The following AHRR variants were observed in gnomAD, a reference collection of about 807,000 sequenced individuals.
AHRR encodes the protein ahR repressor.
Under a neutral mutation model 44.0 loss-of-function variants are expected in AHRR, and 28 were observed. That is an observed-to-expected ratio of 0.64 (90% confidence interval 0.47 to 0.87). The LOEUF (loss-of-function observed/expected upper bound fraction) is 0.87. AHRR is among the 40% of genes least tolerant of loss of function. The probability of loss-of-function intolerance (pLI) is 0.00; values close to 1 mark genes in which losing one functional copy is unlikely to be tolerated. For missense variants in AHRR, 990 were observed against 953.9 expected (o/e 1.04, Z -0.50); for synonymous variants, 434 against 407.0 (o/e 1.07, Z -0.80).
At chr5:428,636 TAC>T (rs1349666716) in intron 8 of AHRR, among the ~76,000 whole-genome samples, 1 of 152,234 alleles carries the variant, frequency 6.6e-6, no homozygotes, top group African/African-American at 2.4e-5. Context: ...TCAAGCACAT[TAC>T]GTTTACTCAC....
At chr5:330,548 AT>A (rs1329871264) in intron 1 of AHRR, among the ~76,000 whole-genome samples, 1 of 152,064 alleles carries the variant, frequency 6.6e-6, no homozygotes, top group Non-Finnish European at 1.5e-5. Context: ...TAATTTTTGC[AT>A]TTTTAGTAGA....
chr5:415,818 C>G (rs1435569379), intron 5 of AHRR, among the ~76,000 whole-genome samples: 3 of 152,186 alleles, frequency 2.0e-5, no homozygotes, highest in Non-Finnish European at 4.4e-5. Context: ...CACGTCTGCG[C>G]AGGCCCTGAG....
chr5:402,298 ATG>A (rs1283563541), intron 4 of AHRR, among the ~76,000 whole-genome samples: 8 of 151,222 alleles, frequency 5.3e-5, no homozygotes, highest in Admixed American at 6.6e-5. Context: ...GCAGTCGTTG[ATG>A]AGGGTGTGGA....
chr5:345,564 ATGTGTGGGTG>A (rs1270153087), intron 2 of AHRR, among the ~76,000 whole-genome samples: 23 of 77,734 alleles, frequency 3.0e-4, no homozygotes, highest in South Asian at 2.4e-3. Context: ...GTGTGTGGGG[ATGTGTGGGTG>A]TGTGTGGGTG....
intron 5 of AHRR, among the ~76,000 whole-genome samples, chr5:422,212 A>T (rs1736159078): frequency 1.3e-5 from 2 of 152,162 alleles, no homozygotes; most frequent in African/African-American, 4.8e-5. Context: ...TGTGAGGGTC[A>T]GCCTCTGTGT....
intron 8 of AHRR, among the ~76,000 whole-genome samples, chr5:428,280 G>A (rs1736563162): frequency 6.6e-6 from 1 of 152,258 alleles, no homozygotes; most frequent in South Asian, 2.1e-4. Flanking sequence ...TAAGTGTCCT[G>A]ACCCCGTGTC....
chr5:399,910 G>A (rs1298061218), intron 4 of AHRR, among the ~76,000 whole-genome samples: 1 of 152,220 alleles, frequency 6.6e-6, no homozygotes, highest in East Asian at 1.9e-4. Context: ...TGCGTTTACT[G>A]TTTGTGGGAT....
chr5:394,657 C>T (rs115363205), intron 4 of AHRR, among the ~76,000 whole-genome samples: 11,535 of 145,582 alleles, frequency 0.079, 875 homozygotes, highest in Admixed American at 0.11. Context: ...TGCTGGAACC[C>T]TGCTTGTCTT....
In AHRR at chr5:437,870, T is replaced by C. The variant is rs1192285874; in HGVS notation, c.*3036T>C. On this transcript the variant is annotated 3_prime_UTR_variant, in exon 11 of 11. Coordinates refer to ENST00000684583, the MANE Select transcript of AHRR (RefSeq NM_001377236.1). ...CCAAGTCAGCACTTTGGTTATTTTA[T>C]AGCCACAACCCTCTTGGAAAACAGT... The C allele has an allele frequency of 6.6e-6, 1 of 152,320 alleles. No individual in the cohort carries two copies. Among genetic ancestry groups the C allele is most frequent in the East Asian group, 1.9e-4 (1 of 5,336 alleles). 9.4% of individuals were successfully genotyped at this position (152,320 alleles called of 1,614,324 possible). A position where few individuals can be genotyped will look rare whatever the true frequency, so the allele number is the denominator to read the frequency against.
chr5:327,417 C>T (rs1044290447), intron 1 of AHRR, among the ~76,000 whole-genome samples: 2 of 152,198 alleles, frequency 1.3e-5, no homozygotes, highest in Admixed American at 1.3e-4. Context: ...ATCCATCATT[C>T]CACTCACTAC....
intron 4 of AHRR, among the ~76,000 whole-genome samples, chr5:397,612 T>C (rs1214249585): frequency 3.0e-5 from 2 of 66,566 alleles, no homozygotes; most frequent in Non-Finnish European, 5.7e-5. Context: ...ACGTAGCTCC[T>C]GACCATCCAT....
chr5:399,720 C>T (rs934263597), intron 4 of AHRR, among the ~76,000 whole-genome samples: 10 of 152,182 alleles, frequency 6.6e-5, no homozygotes, highest in Non-Finnish European at 1.3e-4. Flanking sequence ...CCCAGGACAC[C>T]GGGTTAACCG....
intron 1 of AHRR, chr5:322,478 A>T (rs1353798333): frequency 1.3e-5 from 2 of 151,860 alleles, no homozygotes; most frequent in Non-Finnish European, 2.9e-5. Context: ...GGCCTCCGGG[A>T]TGGCAAGGGC....
At chr5:421,382 G>A (rs1736110160) in intron 5 of AHRR, 2 of 606,640 alleles carry the variant, frequency 3.3e-6, no homozygotes, top group Admixed American at 2.7e-5. Flanking sequence ...CACAGTACCA[G>A]CCCCCACACG....
In AHRR at chr5:380,325, A is replaced by G. The variant is rs1733929828; in HGVS notation, c.351+3609A>G. 2.0e-5 allele frequency among the ~76,000 whole-genome samples: 3 copies of G among 152,070 alleles called. No homozygotes were observed. In the South Asian group the frequency reaches 6.2e-4, roughly 32 times the overall value. On this transcript the variant is annotated intron_variant, in intron 4 of 10. Coordinates refer to ENST00000684583, the MANE Select transcript of AHRR (RefSeq NM_001377236.1). ...TGGCTATTCTAGTTCTTTTTTTTCC[A>G]TATAAATTTTAGAATTAGCTTATTG...
intron 4 of AHRR, among the ~76,000 whole-genome samples, chr5:398,321 C>T (rs1423311910): frequency 2.0e-5 from 3 of 151,922 alleles, no homozygotes; most frequent in Admixed American, 6.6e-5. Context: ...GCGTTAGCCC[C>T]GACATTCCGC....
chr5:347,769 C>T (rs915184296), intron 2 of AHRR, among the ~76,000 whole-genome samples: 3 of 152,188 alleles, frequency 2.0e-5, no homozygotes, highest in African/African-American at 7.2e-5. Flanking sequence ...CCTCTAGGGA[C>T]CCACTCTGGG....
chr5:432,049 A>C, intron 8 of AHRR: 1 of 213,144 alleles, frequency 4.7e-6, no homozygotes, highest in Non-Finnish European at 9.4e-6. Context: ...GTGTGTGGGT[A>C]CACACACATG....
chr5:429,656 G>C (rs1388319375), intron 8 of AHRR, among the ~76,000 whole-genome samples: 1 of 152,232 alleles, frequency 6.6e-6, no homozygotes, highest in African/African-American at 2.4e-5. Context: ...GCCGCCACTG[G>C]GCAGCCCGCT....
Sources: gnomAD v4.1 joint callset for allele counts (sites outside exome capture counted in the v4.1 genomes callset) on GRCh38, gnomAD v4.1.1 for gene constraint, MANE v1.5 for transcripts, NCBI Gene and HGNC (gene_info 2026-07-23, HGNC 2026-07-21) for gene names.